Variants in ARHGAP18 observed in about 807,000 individuals in gnomAD.
ARHGAP18 encodes Rho GTPase activating protein 18.
Under a neutral mutation model 86.2 loss-of-function variants are expected in ARHGAP18, and 67 were observed. That is an observed-to-expected ratio of 0.78 (90% CI 0.64 to 0.95). ARHGAP18 has a LOEUF of 0.95. ARHGAP18 is among the 40% of genes least tolerant of loss of function. The probability of loss-of-function intolerance (pLI) is 0.00; values close to 1 mark genes in which losing one functional copy is unlikely to be tolerated. For missense variants in ARHGAP18, 691 were observed against 780.4 expected (o/e 0.89, Z 1.37); for synonymous variants, 283 against 280.4 (o/e 1.01, Z -0.09).
chr6:129,602,970 C>T (rs931934622), intron 10 of ARHGAP18, among the ~76,000 whole-genome samples: 6 of 145,946 alleles, frequency 4.1e-5, no homozygotes, highest in African/African-American at 1.6e-4. Context: ...TCTATCTGAA[C>T]CTTCAGAATT....
chr6:129,607,778 C>A (rs1283739436), intron 9 of ARHGAP18, 115 bp downstream of exon 9: 4 of 1,173,628 alleles, frequency 3.4e-6, no homozygotes, highest in Non-Finnish European at 4.6e-6. Context: ...TCAGTTGAGT[C>A]AATATGTCCA....
chr6:129,692,644 G>A (rs1220562598), intron 1 of ARHGAP18, among the ~76,000 whole-genome samples: 2 of 152,172 alleles, frequency 1.3e-5, no homozygotes, highest in African/African-American at 4.8e-5. Context: ...GCCAAGATTT[G>A]TAATTTGTGG....
intron 11 of ARHGAP18, among the ~76,000 whole-genome samples, chr6:129,599,927 G>C (rs760051204): frequency 3.3e-5 from 5 of 151,954 alleles, no homozygotes; most frequent in Non-Finnish European, 5.9e-5. Flanking sequence ...CAAACATTGA[G>C]ATTTAATAAA....
At chr6:129,616,399 G>A in intron 6 of ARHGAP18, 96 bp from the exon 7 acceptor site, 1 of 958,896 alleles carries the variant, frequency 1.0e-6, no homozygotes, top group African/African-American at 1.6e-5. Flanking sequence ...CTGTCGATCA[G>A]ACAACTATTT....
chr6:129,679,346 A>AT (rs1028220069), intron 1 of ARHGAP18, among the ~76,000 whole-genome samples: 6 of 152,344 alleles, frequency 3.9e-5, no homozygotes, highest in African/African-American at 1.4e-4. Context: ...CCAACTTGAT[A>AT]TTTTTCCCTG....
chr6:129,598,172 G>C (rs1788658247), intron 12 of ARHGAP18, among the ~76,000 whole-genome samples: 1 of 151,922 alleles, frequency 6.6e-6, no homozygotes, highest in Non-Finnish European at 1.5e-5. Context: ...AAAAAAAAAG[G>C]CTTTCTAAAA....
intron 1 of ARHGAP18, among the ~76,000 whole-genome samples, chr6:129,690,660 A>G (rs1216161999): frequency 2.6e-5 from 4 of 152,234 alleles, no homozygotes; most frequent in African/African-American, 7.2e-5. Flanking sequence ...ATACATATCA[A>G]TAATACAGCA....
intron 5 of ARHGAP18, among the ~76,000 whole-genome samples, chr6:129,625,735 T>TATATTATATATTTATATATTA (rs1562698172): frequency 5.6e-5 from 1 of 18,018 alleles, no homozygotes; most frequent in East Asian, 2.6e-3. Context: ...TATATATTTA[T>TATATTATATATTTATATATTA]TATATATTTA....
intron 2 of ARHGAP18, among the ~76,000 whole-genome samples, chr6:129,640,175 T>C (rs1773425572): frequency 6.9e-6 from 1 of 145,304 alleles, no homozygotes; most frequent in Non-Finnish European, 1.5e-5. Context: ...ACAAGGAAAA[T>C]AAACAAGATT....
At chr6:129,582,926 C>T (rs1203534800) in intron 13 of ARHGAP18, among the ~76,000 whole-genome samples, 2 of 152,200 alleles carry the variant, frequency 1.3e-5, no homozygotes, top group Non-Finnish European at 2.9e-5. Context: ...ATAAGCCTCT[C>T]TCTCATTTCA....
chr6:129,625,043 AATAT>A (rs1321816973), intron 5 of ARHGAP18, among the ~76,000 whole-genome samples: 1 of 80,354 alleles, frequency 1.2e-5, no homozygotes, highest in East Asian at 2.7e-4. Flanking sequence ...ATATTTATAT[AATAT>A]ATATGATTGA....
intron 6 of ARHGAP18, 104 bp from the exon 7 acceptor site, chr6:129,616,407 T>C: frequency 6.7e-6 from 6 of 891,508 alleles, no homozygotes; most frequent in Non-Finnish European, 8.4e-6. Flanking sequence ...CAGACAACTA[T>C]TTATTTAGCA....
intron 8 of ARHGAP18, among the ~76,000 whole-genome samples, chr6:129,610,623 C>A (rs1041094996): frequency 6.6e-6 from 1 of 151,962 alleles, no homozygotes; most frequent in African/African-American, 2.4e-5. Context: ...ATGATCCTGG[C>A]CTTTTTCTTT....
chr6:129,632,949 G>T (rs1425964279), intron 4 of ARHGAP18, among the ~76,000 whole-genome samples: 2 of 152,052 alleles, frequency 1.3e-5, no homozygotes, highest in African/African-American at 4.8e-5. Context: ...TTAATGGCAT[G>T]AACACTCCAG....
chr6:129,689,288 A>G (rs574546422), intron 1 of ARHGAP18, among the ~76,000 whole-genome samples: 1 of 152,024 alleles, frequency 6.6e-6, no homozygotes, highest in African/African-American at 2.4e-5. Flanking sequence ...GGTTGCTTGG[A>G]TGGTTTTGTT....
chr6:129,584,206 G>T lies in ARHGAP18; in HGVS notation c.1714-94C>A. ...TATAGTAAGTGTGCTTAACTACTAC[G>T]CATTTTACTTCACTACATAAAAACC... On this transcript the variant is annotated intron_variant, in intron 12 of 14. Transcript: ENST00000368149. 4 of 1,491,356 alleles carry T rather than the reference G, an allele frequency of 2.7e-6. No homozygotes were observed. In the South Asian group the frequency reaches 4.0e-5, roughly 15 times the overall value. 92.4% of individuals were successfully genotyped at this position (1,491,356 alleles called of 1,614,324 possible).
rs149557536 is a variant in ARHGAP18 at position 129,680,503 on chromosome 6, C to T, written c.113+29521G>A. Among the ~76,000 whole-genome samples, 676 of 152,278 alleles carry T rather than the reference C, an allele frequency of 4.4e-3. 3 individuals carry two copies. Among genetic ancestry groups the T allele is most frequent in the African/African-American group, 0.015 (633 of 41,548 alleles). ...TCAATAATAACCTCAAATTTCCTTT[C>T]GAACAGCTCCTGTAACTTTTACTGA... On this transcript the variant is annotated intron_variant, in intron 1 of 14. Transcript: ENST00000368149.
rs1183021815 is a variant in ARHGAP18 at position 129,641,999 on chromosome 6, T to A, written c.133A>T (p.Thr45Ser). ...ATGGTGGTGCTTTCCTGGTTCATAGTGTACTGGCCATATCTGCGACTGTAA... is the reference window on the plus strand; with the variant it reads ...ATGGTGGTGCTTTCCTGGTTCATAGAGTACTGGCCATATCTGCGACTGTAA... ...ATSSRRYGQYTMNQESTTIKV... is the reference protein window; with the variant it reads ...ATSSRRYGQYSMNQESTTIKV... Residue 45 changes from threonine (T) to serine (S), a missense_variant, in exon 2 of 15, where the codon ACT becomes TCT. Transcript: ENST00000368149. 1.2e-6 allele frequency: 2 copies of A among 1,613,854 alleles called. No individual in the cohort carries two copies. Among genetic ancestry groups the A allele is most frequent in the Non-Finnish European group, 1.7e-6 (2 of 1,179,918 alleles).
intron 12 of ARHGAP18, 180 bp downstream of exon 12, chr6:129,599,036 G>A: frequency 2.0e-6 from 1 of 489,922 alleles, no homozygotes; most frequent in South Asian, 3.5e-5. Flanking sequence ...CTGACCAACT[G>A]TCAATACTGA....
Sources: gnomAD v4.1 joint callset for allele counts (sites outside exome capture counted in the v4.1 genomes callset) on GRCh38, gnomAD v4.1.1 for gene constraint, MANE v1.5 for transcripts, NCBI Gene and HGNC (gene_info 2026-07-23, HGNC 2026-07-21) for gene names.